The following MARK4 variants were observed in gnomAD, a reference collection of about 807,000 sequenced individuals.
MARK4 encodes microtubule affinity regulating kinase 4, also known as MAP/microtubule affinity-regulating kinase 4.
In MARK4, 19 loss-of-function variants were observed where a neutral mutation model predicts 81.5. The observed-to-expected ratio is 0.23, with a 90% CI of 0.16 to 0.34. The LOEUF (loss-of-function observed/expected upper bound fraction) is 0.34. Ranked by LOEUF, MARK4 falls within the 10% of genes least tolerant of loss-of-function variation. MARK4 has a pLI of 1.00. For missense variants in MARK4, 772 were observed against 1,058.8 expected (o/e 0.73, Z 3.76); for synonymous variants, 436 against 439.0 (o/e 0.99, Z 0.08).
At chr19:45,256,836 T>C (rs1238821421) in intron 1 of MARK4, among the ~76,000 whole-genome samples, 1 of 152,248 alleles carries the variant, frequency 6.6e-6, no homozygotes, top group Admixed American at 6.5e-5. Context: ...AGGCTCCATT[T>C]TTCCAACAGC....
intron 12 of MARK4, among the ~76,000 whole-genome samples, chr19:45,287,049 A>C (rs1013202280): frequency 2.0e-5 from 3 of 151,922 alleles, no homozygotes; most frequent in Non-Finnish European, 2.9e-5. Flanking sequence ...TCCCAGTCTA[A>C]TGGTACAGGC....
In MARK4 at chr19:45,256,114, G is replaced by A. The variant is rs192304501; in HGVS notation, c.52-2875G>A. Among the ~76,000 whole-genome samples the A allele has an allele frequency of 1.2e-3, 187 of 152,322 alleles. 1 individual carries two copies. Among genetic ancestry groups the A allele is most frequent in the Middle Eastern group, 3.4e-3 (1 of 294 alleles). On this transcript the variant is annotated intron_variant, in intron 1 of 16. Transcript: ENST00000262891. Reference sequence around the variant, plus strand: ...TTTCCCATGGAAGGAGGATAACAGGGATTCAACCAGGTCTCAGGGCCAGTG... The same window carrying A: ...TTTCCCATGGAAGGAGGATAACAGGAATTCAACCAGGTCTCAGGGCCAGTG...
intron 4 of MARK4, among the ~76,000 whole-genome samples, chr19:45,263,639 G>A (rs953429152): frequency 2.1e-4 from 32 of 152,002 alleles, no homozygotes; most frequent in African/African-American, 6.8e-4. Flanking sequence ...CTACTCGGGA[G>A]GCTGAGGCAG....
At chr19:45,285,662 G>T (rs1318883872) in intron 12 of MARK4, among the ~76,000 whole-genome samples, 1 of 148,424 alleles carries the variant, frequency 6.7e-6, no homozygotes, top group Non-Finnish European at 1.5e-5. Context: ...TTAGAACGTG[G>T]TAACCTTCAG....
At chr19:45,270,919 T>C (rs984122533) in intron 7 of MARK4, among the ~76,000 whole-genome samples, 2 of 152,210 alleles carry the variant, frequency 1.3e-5, no homozygotes, top group African/African-American at 4.8e-5. Flanking sequence ...TATAGGCATG[T>C]GCCACCACGC....
intron 12 of MARK4, among the ~76,000 whole-genome samples, chr19:45,283,577 T>C (rs1970704976): frequency 6.6e-6 from 1 of 152,142 alleles, no homozygotes; most frequent in Admixed American, 6.6e-5. Context: ...TAGCAGAAAG[T>C]TTTCAAGGTT....
intron 15 of MARK4, 123 bp downstream of exon 15, chr19:45,298,077 G>A (rs933144873): frequency 4.6e-5 from 65 of 1,426,732 alleles, no homozygotes; most frequent in Middle Eastern, 4.4e-4. Context: ...CCTCCTCCTC[G>A]TTTCCTCCTC....
intron 13 of MARK4, 190 bp downstream of exon 13, chr19:45,287,854 T>A: frequency 1.5e-6 from 1 of 676,624 alleles, no homozygotes; most frequent in Non-Finnish European, 2.7e-6. Flanking sequence ...TAACATTTGA[T>A]GTTAGCGTAT....
At chr19:45,263,414 G>A (rs1326900425) in intron 4 of MARK4, 47 bp downstream of exon 4, 2 of 1,612,112 alleles carry the variant, frequency 1.2e-6, no homozygotes, top group Non-Finnish European at 1.7e-6. Flanking sequence ...TGGAACACTT[G>A]CAAAGGAGTT....
intron 8 of MARK4, among the ~76,000 whole-genome samples, chr19:45,272,713 C>A (rs1970545653): frequency 6.6e-6 from 1 of 151,994 alleles, no homozygotes; most frequent in African/African-American, 2.4e-5. Flanking sequence ...CATGGTGAAA[C>A]CCTGTCTTTA....
In MARK4 at chr19:45,294,397, A is replaced by G. The variant is rs1599802465; in HGVS notation, c.1543A>G (p.Thr515Ala). ...GACCCGCAGAAACACCTACGTTTGC[A>G]CAGAACGCCCGGGGGCTGAGCGCCC... ...MMTRRNTYVC[T>A]ERPGAERPSL... Residue 515 changes from threonine to alanine, a missense_variant, in exon 14 of 17, where the codon ACA (threonine) becomes GCA (alanine). Coordinates refer to ENST00000262891, the MANE Select transcript of MARK4 (RefSeq NM_001199867.2). The G allele has an allele frequency of 6.2e-7, 1 of 1,614,120 alleles. No individual in the cohort carries two copies. The highest frequency in any genetic ancestry group is 8.5e-7 in the Non-Finnish European group (1 of 1,180,020).
intron 4 of MARK4, among the ~76,000 whole-genome samples, chr19:45,263,720 C>T (rs1050351575): frequency 7.9e-6 from 1 of 126,688 alleles, no homozygotes; most frequent in Admixed American, 8.6e-5. Flanking sequence ...CCAGCCTGGG[C>T]AATAAAGCGA....
intron 12 of MARK4, among the ~76,000 whole-genome samples, chr19:45,281,620 A>G (rs1970675920): frequency 1.3e-5 from 2 of 152,032 alleles, no homozygotes; most frequent in African/African-American, 4.8e-5. Flanking sequence ...CAGCCTCCCA[A>G]GGTACTGGGA....
intron 7 of MARK4, among the ~76,000 whole-genome samples, chr19:45,267,594 G>A (rs894298282): frequency 6.6e-6 from 1 of 152,220 alleles, no homozygotes; most frequent in African/African-American, 2.4e-5. Flanking sequence ...CGTTTTGTGA[G>A]CACCTGTGTG....
At chr19:45,287,745 C>A in intron 13 of MARK4, 81 bp downstream of exon 13, 1 of 1,450,970 alleles carries the variant, frequency 6.9e-7, no homozygotes, top group Non-Finnish European at 9.5e-7. Context: ...TCTCATTCCC[C>A]AGACGGAACT....
chr19:45,283,013 A>G (rs1970696491), intron 12 of MARK4, among the ~76,000 whole-genome samples: 1 of 152,186 alleles, frequency 6.6e-6, no homozygotes, highest in East Asian at 1.9e-4. Flanking sequence ...TAAAAAGTGC[A>G]CAATTCAGTG....
At chr19:45,266,420 C>CA (rs1465654341) in intron 7 of MARK4, 139 bp downstream of exon 7, 1 of 797,230 alleles carries the variant, frequency 1.3e-6, no homozygotes, top group African/African-American at 1.7e-5. Flanking sequence ...CCTCCACACC[C>CA]AGCACCCCCT....
chr19:45,297,749 C>G lies in MARK4; in HGVS notation c.1672C>G (p.Arg558Gly). Residue 558 changes from arginine to glycine, a missense_variant, in exon 15 of 17, where the codon CGC becomes GGC. Physicochemically the swap from Arg to Gly is moderately radical, Grantham distance 125 (BLOSUM62 -2). This residue lies in a region of MARK4 where 548 missense variants were observed against 624.3 expected (regional missense o/e 0.88). Transcript: ENST00000262891. ...SLAPPSGERSRLARGSTIRST... is the reference protein window; with the variant it reads ...SLAPPSGERSGLARGSTIRST... Reference sequence around the variant, plus strand: ...GGCACCCCCATCAGGGGAGCGGAGCCGCCTGGCACGTGGTTCCACCATCCG... The same window carrying G: ...GGCACCCCCATCAGGGGAGCGGAGCGGCCTGGCACGTGGTTCCACCATCCG... The G allele has an allele frequency of 6.3e-7, 1 of 1,577,668 alleles. No individual in the cohort carries two copies. The highest frequency in any genetic ancestry group is 2.2e-5 in the East Asian group (1 of 44,544).
rs1216363548 is a variant in MARK4, at chr19:45,271,686, C to T, written c.764C>T (p.Pro255Leu). ...TACACCCTCGTCAGCGGCTCCCTGC[C>T]CTTCGACGGGCACAACCTCAAGGTA... ...ILYTLVSGSL[P>L]FDGHNLKELR... Residue 255 changes from proline (P) to leucine (L), a missense_variant, in exon 8 of 17, where the codon CCC becomes CTC. This residue lies in a region of MARK4 where 109 missense variants were observed against 294.7 expected (regional missense o/e 0.37). Coordinates refer to ENST00000262891, the MANE Select transcript of MARK4 (RefSeq NM_001199867.2). This position sits in a 1 kb window ranked among gnomAD's most constrained non-coding sequence, Gnocchi z 4.1. The T allele has an allele frequency of 1.2e-6, 2 of 1,614,066 alleles. No individual in the cohort carries two copies. Among genetic ancestry groups the T allele is most frequent in the Non-Finnish European group, 1.7e-6 (2 of 1,179,988 alleles).
Sources: gnomAD v4.1 joint callset for allele counts (sites outside exome capture counted in the v4.1 genomes callset) on GRCh38, gnomAD v4.1.1 for gene constraint, gnomAD v4.1.1 regional missense constraint, Gnocchi (gnomAD v3.1) non-coding constraint, MANE v1.5 for transcripts, NCBI Gene and HGNC (gene_info 2026-07-23, HGNC 2026-07-21) for gene names.